FKBP1B: variants seen among roughly 807,000 people sequenced by gnomAD.
The protein encoded by FKBP1B is FKBP prolyl isomerase 1B, also known as peptidyl-prolyl cis-trans isomerase FKBP1B.
In FKBP1B, 4 loss-of-function variants were observed where a neutral mutation model predicts 13.5. That is an observed-to-expected ratio of 0.30 (90% CI 0.15 to 0.68). FKBP1B has a LOEUF of 0.68. FKBP1B is among the 30% of genes least tolerant of loss of function. The pLI is 0.76. For synonymous variants in FKBP1B, 54 were observed against 53.6 expected (o/e 1.01, Z -0.03); for missense variants, 93 against 136.2 (o/e 0.68, Z 1.58).
At chr2:24,046,489 C>T (rs376562754), upstream of FKBP1B, among the ~76,000 whole-genome samples, 6 of 152,202 alleles carry the variant, frequency 3.9e-5, no homozygotes, top group South Asian at 1.0e-3. Context: ...TTCAGGTCTC[C>T]GGAGAGGTGG....
chr2:24,037,629 C>T, the FKBP1B span: 18 of 1,533,898 alleles, frequency 1.2e-5, no homozygotes, highest in South Asian at 2.3e-4. Context: ...TACTCACCGG[C>T]TGCAGGAGCT....
chr2:24,042,771 G>A, the FKBP1B span, among the ~76,000 whole-genome samples: 1 of 151,706 alleles, frequency 6.6e-6, no homozygotes, highest in African/African-American at 2.4e-5. Flanking sequence ...GGCGGCTCAC[G>A]CCTGTAATCC....
At position 24,049,874 on chromosome 2, in the gene FKBP1B, T is replaced by G. The variant is rs1367874077; in HGVS notation, c.25T>G (p.Ser9Ala). ...TATGGGCGTGGAGATCGAGACCATC[T>G]CCCCCGGAGACGGTACCGGGCTCCC... MGVEIETI[S>A]PGDGRTFPKK... Residue 9 changes from serine to alanine, a missense_variant, in exon 1 of 4, where the codon TCC (serine) becomes GCC (alanine). Physicochemically the swap from Ser to Ala is moderately conservative, Grantham distance 99. Transcript: ENST00000380986. 1.4e-6 allele frequency: 2 copies of G among 1,419,248 alleles called. No homozygotes were observed. The highest frequency in any genetic ancestry group is 1.8e-6 in the Non-Finnish European group (2 of 1,085,198). The allele number at this position is 1,419,248 out of a possible 1,614,324, so 87.9% of individuals were successfully genotyped here. A position where few individuals can be genotyped will look rare whatever the true frequency, so the allele number is the denominator to read the frequency against.
chr2:24,056,054 A>G (rs1415373926), intron 2 of FKBP1B, among the ~76,000 whole-genome samples: 2 of 152,080 alleles, frequency 1.3e-5, no homozygotes, highest in African/African-American at 2.4e-5. Context: ...AAATGGCATG[A>G]TCTTGGCTCA....
rs1214681262 is a variant in FKBP1B at position 24,050,333 on chromosome 2, C to CG, written c.37+449dup. ...GCGCGTCCCCCGCCGGGCCTCCCCT[C>CG]GGTCGCTTCCCTGCGGGCCGGGCTG... On this transcript the variant is annotated intron_variant, in intron 1 of 3. Transcript: ENST00000380986. The surrounding 1 kb of genome is among the most constrained non-coding windows in gnomAD (Gnocchi z 5.8). 6.6e-6 allele frequency among the ~76,000 whole-genome samples: 1 copy of CG among 152,200 alleles called. No homozygotes were observed. The highest frequency in any genetic ancestry group is 1.9e-4 in the East Asian group (1 of 5,182).
chr2:24,038,584 C>A, the FKBP1B span: 1 of 1,613,636 alleles, frequency 6.2e-7, no homozygotes, highest in Non-Finnish European at 8.5e-7. Flanking sequence ...GTCCTTTTTT[C>A]TTAGACAAAT....
chr2:24,039,249 C>T, the FKBP1B span: 1 of 1,614,252 alleles, frequency 6.2e-7, no homozygotes, highest in Non-Finnish European at 8.5e-7. Context: ...TGACATGCTT[C>T]TCATGCTGGA....
In FKBP1B at chr2:24,049,793, C is replaced by A. The variant is rs918329658; in HGVS notation, c.-57C>A. 96 of 1,304,622 alleles carry A rather than the reference C, an allele frequency of 7.4e-5. No individual in the cohort carries two copies. The highest frequency in any genetic ancestry group is 9.3e-5 in the Non-Finnish European group (95 of 1,021,196). The allele number at this position is 1,304,622 out of a possible 1,614,324, so 80.8% of individuals were successfully genotyped here. On this transcript the variant is annotated 5_prime_UTR_variant, in exon 1 of 4. Transcript: ENST00000380986. ...GCGACGGCGGGGCTGGGGCCGGAGC[C>A]GAGCCGGGGTCGGGCAGCAGCAGGG...
upstream of FKBP1B, among the ~76,000 whole-genome samples, chr2:24,045,576 G>A (rs1287852940): frequency 1.4e-5 from 2 of 142,848 alleles, no homozygotes; most frequent in African/African-American, 5.3e-5. Flanking sequence ...ACTCCAGCCT[G>A]GGTGACAGAG....
chr2:24,049,700 C>T (rs1309723410), upstream of FKBP1B: 2 of 530,896 alleles, frequency 3.8e-6, no homozygotes, highest in African/African-American at 3.9e-5. Flanking sequence ...GTGGCCCCTC[C>T]CCGCGCAGGT....
intron 2 of FKBP1B, among the ~76,000 whole-genome samples, chr2:24,059,400 C>T (rs891451901): frequency 6.6e-6 from 1 of 150,874 alleles, no homozygotes; most frequent in Non-Finnish European, 1.5e-5. Context: ...TCAAACAGCC[C>T]TCTTAGTACA....
upstream of FKBP1B, among the ~76,000 whole-genome samples, chr2:24,048,424 T>G (rs1247983801): frequency 6.7e-6 from 1 of 148,580 alleles, no homozygotes; most frequent in Non-Finnish European, 1.5e-5. Flanking sequence ...TGAGCCGAGA[T>G]TGTGCCACTG....
At chr2:24,049,933 G>A in intron 1 of FKBP1B, 47 bp downstream of exon 1, 3 of 1,346,978 alleles carry the variant, frequency 2.2e-6, no homozygotes, top group Non-Finnish European at 9.6e-7. Context: ...GTCCCGGGGC[G>A]GAGCCCGGAG....
chr2:24,051,877 A>G (rs971518366), intron 1 of FKBP1B, among the ~76,000 whole-genome samples: 5 of 152,162 alleles, frequency 3.3e-5, no homozygotes, highest in African/African-American at 1.2e-4. Context: ...GTAGCTTTAA[A>G]TTCCAGCCAA....
At chr2:24,037,356 T>C in the FKBP1B span, among the ~76,000 whole-genome samples, 1 of 152,266 alleles carries the variant, frequency 6.6e-6, no homozygotes. Context: ...GGAGTATCTC[T>C]ATTATATAAG....
chr2:24,047,237 G>C (rs1041160637), upstream of FKBP1B: 3 of 151,490 alleles, frequency 2.0e-5, no homozygotes, highest in Non-Finnish European at 4.4e-5. Flanking sequence ...TACCCACCAA[G>C]AGCCGATCCA....
At chr2:24,038,526 G>A in the FKBP1B span, 2 of 1,614,190 alleles carry the variant, frequency 1.2e-6, no homozygotes, top group Non-Finnish European at 8.5e-7. Context: ...CCTTCTTAAA[G>A]GTCACAAGGA....
chr2:24,047,346 C>G (rs1663660344), upstream of FKBP1B: 1 of 152,168 alleles, frequency 6.6e-6, no homozygotes, highest in Non-Finnish European at 1.5e-5. Flanking sequence ...AAACACCAAT[C>G]TCTCTGTGGC....
chr2:24,039,990 G>A, the FKBP1B span, among the ~76,000 whole-genome samples: 9 of 151,676 alleles, frequency 5.9e-5, no homozygotes, highest in Non-Finnish European at 1.2e-4. Context: ...TAGTAGAGAC[G>A]GGGTTTCACT....
Sources: gnomAD v4.1 joint callset for allele counts (sites outside exome capture counted in the v4.1 genomes callset) on GRCh38, gnomAD v4.1.1 for gene constraint, Gnocchi (gnomAD v3.1) non-coding constraint, MANE v1.5 for transcripts, NCBI Gene and HGNC (gene_info 2026-07-23, HGNC 2026-07-21) for gene names.